Variants in ZNF594 observed in about 807,000 individuals in gnomAD.
ZNF594 encodes the protein zinc finger protein HZF18.
For missense variants in ZNF594, 1,037 were observed against 964.6 expected (o/e 1.08, Z -0.99); for synonymous variants, 336 against 309.4 (o/e 1.09, Z -0.90).
chr17:5,184,438 C>A, intron 1 of ZNF594, 162 bp from the exon 2 acceptor site: 1 of 734,754 alleles, frequency 1.4e-6, no homozygotes, highest in Non-Finnish European at 2.1e-6. Flanking sequence ...ACACAGGAAC[C>A]TGTGCTACCA....
rs374906764 is a variant in ZNF594, at chr17:5,182,806, C to T, written c.1451G>A (p.Gly484Glu). 5 of 1,613,980 alleles carry T rather than the reference C, an allele frequency of 3.1e-6. No individual in the cohort carries two copies. The African/African-American group carries it at 6.7e-5, about 22-fold the overall frequency. Reference protein sequence around the residue: ...HLVTHQKIHTGEKPYQCTECG... With the variant: ...HLVTHQKIHTEEKPYQCTECG... ...TTCAGTGCACTGATAGGGCTTCTCT[C>T]CAGTATGGATTTTCTGGTGTGTAAC... The change falls in exon 2 of 2, where the codon GGA becomes GAA. Residue 484 changes from glycine (G) to glutamate (E), a missense_variant. Gly to Glu is a moderately conservative substitution (Grantham distance 98). Transcript: ENST00000575779.
At chr17:5,178,807 G>T (rs375790926), downstream of ZNF594, among the ~76,000 whole-genome samples, 13 of 152,190 alleles carry the variant, frequency 8.5e-5, no homozygotes, top group East Asian at 2.5e-3. Context: ...TTACCAGCAA[G>T]AAAGAAATGT....
intron 1 of ZNF594, among the ~76,000 whole-genome samples, chr17:5,188,750 CTTT>C (rs34604391): frequency 2.1e-5 from 3 of 140,882 alleles, no homozygotes; most frequent in South Asian, 2.2e-4. Flanking sequence ...AAAATTTTGA[CTTT>C]TTTTTTTTTT....
intron 1 of ZNF594, among the ~76,000 whole-genome samples, chr17:5,189,190 C>T (rs2074406099): frequency 6.6e-6 from 1 of 151,926 alleles, no homozygotes; most frequent in Admixed American, 6.5e-5. Flanking sequence ...AAGTGATCCT[C>T]CCACCTTGGC....
chr17:5,187,369 C>A (rs1372263885), intron 1 of ZNF594, among the ~76,000 whole-genome samples: 2 of 152,194 alleles, frequency 1.3e-5, no homozygotes, highest in Non-Finnish European at 2.9e-5. Context: ...CCCACCAGGT[C>A]CCTCCCACAA....
chr17:5,177,319 T>C (rs765395794), downstream of ZNF594, among the ~76,000 whole-genome samples: 18 of 152,278 alleles, frequency 1.2e-4, no homozygotes, highest in Admixed American at 6.5e-5. Context: ...CAAAAGCCTG[T>C]TCCATAGAGC....
Position 5,191,168 on chromosome 17 carries a change from C to G in ZNF594, c.-21+580G>C, listed in dbSNP as rs915867184. Reference sequence around the variant, plus strand: ...TCTCGGTTGCCGGCTAATAAGGACTCTTTAATTTGTCTCAAAGTGTGGCGT... The same window carrying G: ...TCTCGGTTGCCGGCTAATAAGGACTGTTTAATTTGTCTCAAAGTGTGGCGT... On this transcript the variant is annotated intron_variant, in intron 1 of 1. Transcript: ENST00000575779. Among the ~76,000 whole-genome samples, 3 of 152,112 alleles carry G rather than the reference C, an allele frequency of 2.0e-5. No individual in the cohort carries two copies. The South Asian group carries it at 6.2e-4, about 32-fold the overall frequency.
downstream of ZNF594, among the ~76,000 whole-genome samples, chr17:5,179,077 C>T (rs1177901030): frequency 6.6e-6 from 1 of 151,528 alleles, no homozygotes; most frequent in Admixed American, 6.6e-5. Flanking sequence ...GGCAGGACCA[C>T]AGGGAGGTGA....
rs767982370 is a variant in ZNF594 at position 5,182,025 on chromosome 17, C to A, written c.2232G>T (p.Lys744Asn). 1.9e-6 allele frequency: 3 copies of A among 1,613,576 alleles called. No homozygotes were observed. The highest frequency in any genetic ancestry group is 2.5e-6 in the Non-Finnish European group (3 of 1,180,030). The part of the protein sequence containing the change: ...KLEECEKTFS[K>N]DEELRKEQRT... The stretch of plus-strand genomic sequence containing the variant: ...TCTGCTCTTTTCTAAGCTCCTCATC[C>A]TTGCTGAAGGTTTTCTCACATTCTT... The change falls in exon 2 of 2, where the codon AAG becomes AAT. Residue 744 changes from lysine to asparagine, a missense_variant. Lys to Asn is a moderately conservative substitution (Grantham distance 94). Transcript: ENST00000575779.
rs762751276 is a variant in ZNF594, at chr17:5,183,854, T to G, written c.403A>C (p.Thr135Pro). The G allele has an allele frequency of 1.1e-5, 18 of 1,613,700 alleles. 1 individual carries two copies. The East Asian group carries it at 4.0e-4, about 36-fold the overall frequency. Residue 135 changes from threonine (T) to proline (P), a missense_variant, in exon 2 of 2, where the codon ACC becomes CCC. Physicochemically the swap from Thr to Pro is conservative, Grantham distance 38 (BLOSUM62 -1). Coordinates refer to ENST00000575779, the MANE Select transcript of ZNF594 (RefSeq NM_032530.2). ...ATCAGGTTTGAACTCCTGTTGAAGG[T>G]TTTTTCACATTCCTTACATTCATAG... is the stretch of plus-strand genomic sequence containing the variant. Reference protein sequence around the residue: ...KTYECKECEKTFNRSSNLIIH... With the variant: ...KTYECKECEKPFNRSSNLIIH...
chr17:5,184,241 AT>A lies in ZNF594; in HGVS notation c.15del (p.Lys5AsnfsTer30). 1 of 1,612,512 alleles carries A rather than the reference AT, an allele frequency of 6.2e-7. No individual in the cohort carries two copies. Among genetic ancestry groups the A allele is most frequent in the Non-Finnish European group, 8.5e-7 (1 of 1,179,526 alleles). On this transcript the variant is annotated frameshift_variant, in exon 2 of 2. Transcript: ENST00000575779. LOFTEE classifies it low-confidence loss of function (END_TRUNC). MKEW[K>X]SKMEISEEKK... ...TTTTCTTCAGAAATTTCCATCTTTG[AT>A]TTCCATTCCTTCATCTTATTCCTGT...
Position 5,183,091 on chromosome 17 carries a change from G to C in ZNF594, c.1166C>G (p.Ser389Ter). ...NQCGRNFQGT[S>*]DLIRHQVTHT... ...AGTTACCTGATGTCTGATGAGGTCT[G>C]AGGTGCCCTGGAAATTCCTACCACA... Residue 389 changes from serine to a stop codon, truncating the protein, a stop_gained, in exon 2 of 2, where the codon TCA becomes TGA. Transcript: ENST00000575779. LOFTEE classifies it low-confidence loss of function (END_TRUNC). The C allele has an allele frequency of 1.2e-6, 2 of 1,614,118 alleles. No individual in the cohort carries two copies. The highest frequency in any genetic ancestry group is 1.1e-5 in the South Asian group (1 of 91,084).
rs777103263 is a variant in ZNF594 at position 5,183,872 on chromosome 17, A to C, written c.385T>G (p.Cys129Gly). Residue 129 changes from cysteine (C) to glycine (G), a missense_variant, in exon 2 of 2, where the codon TGT becomes GGT. Physicochemically the swap from Cys to Gly is radical, Grantham distance 159. Coordinates refer to ENST00000575779, the MANE Select transcript of ZNF594 (RefSeq NM_032530.2). The part of the protein sequence containing the change: ...KIHNINKTYE[C>G]KECEKTFNRS... The stretch of plus-strand genomic sequence containing the variant: ...TTGAAGGTTTTTTCACATTCCTTAC[A>C]TTCATAGGTCTTATTTATATTATGA... The C allele has an allele frequency of 1.9e-6, 3 of 1,613,482 alleles. No homozygotes were observed. In the Admixed American group the frequency reaches 5.0e-5, roughly 27 times the overall value.
intron 1 of ZNF594, among the ~76,000 whole-genome samples, chr17:5,185,363 C>G (rs1489304661): frequency 6.6e-6 from 1 of 152,202 alleles, no homozygotes; most frequent in African/African-American, 2.4e-5. Flanking sequence ...ATAAAATCAT[C>G]AGATCTCATG....
At chr17:5,175,378 A>C (rs945282847), downstream of ZNF594, among the ~76,000 whole-genome samples, 3 of 152,140 alleles carry the variant, frequency 2.0e-5, no homozygotes, top group Admixed American at 1.3e-4. Flanking sequence ...TCCTTATGAG[A>C]ATCTAATGCC....
At position 5,181,851 on chromosome 17, in the gene ZNF594, T is replaced by A; in HGVS notation, c.2406A>T (p.Arg802Ser). Residue 802 changes from arginine (R) to serine (S), a missense_variant, in exon 2 of 2, where the codon AGA becomes AGT. Physicochemically the swap from Arg to Ser is moderately radical, Grantham distance 110. Coordinates refer to ENST00000575779, the MANE Select transcript of ZNF594 (RefSeq NM_032530.2). ...KECGKTQSEL[R>S]PSETS ...GTGAATTCTATGATGTCTCAGAAGGTCTGAGCTCTGATTGAGTTTTCCCAC... is the reference window on the plus strand; with the variant it reads ...GTGAATTCTATGATGTCTCAGAAGGACTGAGCTCTGATTGAGTTTTCCCAC... The A allele has an allele frequency of 1.2e-6, 2 of 1,614,048 alleles. No individual in the cohort carries two copies. Among genetic ancestry groups the A allele is most frequent in the Non-Finnish European group, 1.7e-6 (2 of 1,180,018 alleles).
intron 1 of ZNF594, among the ~76,000 whole-genome samples, chr17:5,190,951 T>A (rs947030740): frequency 2.0e-5 from 3 of 152,216 alleles, no homozygotes; most frequent in African/African-American, 7.2e-5. Context: ...TTGTGATAGT[T>A]TAAGCCCGTG....
chr17:5,186,615 T>A (rs2074388200), intron 1 of ZNF594, among the ~76,000 whole-genome samples: 1 of 152,248 alleles, frequency 6.6e-6, no homozygotes, highest in South Asian at 2.1e-4. Context: ...TGGGTTTTTC[T>A]TTTCTATCAC....
downstream of ZNF594, among the ~76,000 whole-genome samples, chr17:5,175,210 C>T (rs1341744364): frequency 2.6e-5 from 4 of 152,218 alleles, no homozygotes; most frequent in Admixed American, 1.3e-4. Flanking sequence ...CCGGGCTGCA[C>T]AGCAGGAGGT....
Sources: allele counts gnomAD v4.1 joint callset (sites outside exome capture counted in the v4.1 genomes callset), GRCh38; gene constraint gnomAD v4.1.1; transcripts MANE v1.5; gene names NCBI Gene and HGNC (gene_info 2026-07-23, HGNC 2026-07-21).